The following MBP variants were observed in gnomAD, a reference collection of about 807,000 sequenced individuals.
MBP encodes the protein myelin basic protein, also known as Golli-MBP.
In MBP, 16 loss-of-function variants were observed where a neutral mutation model predicts 35.8. The ratio of observed to expected loss-of-function variants is 0.45; its 90% CI spans 0.30 to 0.68. The LOEUF is 0.68. Among genes scored for constraint, MBP ranks in the 30% least tolerant of loss-of-function variants. MBP has a pLI of 0.08. For missense variants in MBP, 380 were observed against 404.7 expected (o/e 0.94, Z 0.52); for synonymous variants, 143 against 159.6 (o/e 0.90, Z 0.78).
chr18:77,022,524 G>A lies in MBP; in HGVS notation c.140-5256C>T, dbSNP rs1236566619. 2.8e-5 allele frequency among the ~76,000 whole-genome samples: 4 copies of A among 141,104 alleles called. No homozygotes were observed. The Admixed American group carries it at 3.0e-4, about 10-fold the overall frequency. 92.6% of individuals were successfully genotyped at this position (141,104 alleles called of 152,430 possible). A position where few individuals can be genotyped will look rare whatever the true frequency, so the allele number is the denominator to read the frequency against. On this transcript the variant is annotated intron_variant, in intron 3 of 8. Transcript: ENST00000355994. ...AGCAACGTGAAGAATACTGTGGTCA[G>A]TACAAAGCTGCAGTTTTTGCAGGGT...
chr18:77,039,633 C>A (rs1030332935), intron 3 of MBP, among the ~76,000 whole-genome samples: 3 of 152,130 alleles, frequency 2.0e-5, no homozygotes, highest in African/African-American at 7.2e-5. Context: ...CCCCACATGC[C>A]AGGGGACAGA....
chr18:77,045,755 G>C (rs748446953), intron 3 of MBP, among the ~76,000 whole-genome samples: 3 of 152,264 alleles, frequency 2.0e-5, no homozygotes, highest in South Asian at 2.1e-4. Flanking sequence ...ATTTTTATTA[G>C]AAACAGCACC....
intron 2 of MBP, among the ~76,000 whole-genome samples, chr18:77,100,823 G>T (rs1306060254): frequency 6.6e-6 from 1 of 152,048 alleles, no homozygotes; most frequent in East Asian, 1.9e-4. Flanking sequence ...GCAGTGCTGG[G>T]ATTCCAGGTG....
chr18:77,094,017 C>A (rs1975652074), intron 2 of MBP, among the ~76,000 whole-genome samples: 1 of 150,860 alleles, frequency 6.6e-6, no homozygotes, highest in African/African-American at 2.4e-5. Context: ...CGCTCTGTCG[C>A]CCAGGCTGGA....
At chr18:77,086,679 A>G (rs546493726) in intron 2 of MBP, among the ~76,000 whole-genome samples, 2 of 152,220 alleles carry the variant, frequency 1.3e-5, no homozygotes, top group South Asian at 2.1e-4. Context: ...AGAAAAATCA[A>G]TCTCCTAGTC....
chr18:77,063,266 G>C (rs1433105333), intron 3 of MBP, among the ~76,000 whole-genome samples: 1 of 152,132 alleles, frequency 6.6e-6, no homozygotes, highest in African/African-American at 2.4e-5. Flanking sequence ...CCCAGGAAAG[G>C]GTCAGGCATG....
In MBP at chr18:77,016,858, C is replaced by G. The variant is rs1016910704; in HGVS notation, c.550G>C (p.Gly184Arg). 6.2e-7 allele frequency: 1 copy of G among 1,614,104 alleles called. No homozygotes were observed. Among genetic ancestry groups the G allele is most frequent in the Non-Finnish European group, 8.5e-7 (1 of 1,180,058 alleles). Residue 184 changes from glycine (G) to arginine (R), a missense_variant, in exon 4 of 9, where the codon GGT (glycine) becomes CGT (arginine). Coordinates refer to ENST00000355994, the MANE Select transcript of MBP (RefSeq NM_001025101.2). ...SIGRFFGGDR[G>R]APKRGSGKDS... Reference sequence around the variant, plus strand: ...TTGCCAGAGCCCCGCTTGGGCGCACCCCTGTCACCGCCAAAGAAGCGCCCG... The same window carrying G: ...TTGCCAGAGCCCCGCTTGGGCGCACGCCTGTCACCGCCAAAGAAGCGCCCG...
chr18:77,080,393 C>A (rs1471616458), intron 2 of MBP, among the ~76,000 whole-genome samples: 8 of 152,242 alleles, frequency 5.3e-5, no homozygotes, highest in Admixed American at 2.6e-4. Flanking sequence ...CTGGGCTCCT[C>A]ACCTGGGGCC....
At chr18:77,114,465 T>G (rs1357763758) in intron 1 of MBP, 1 of 152,364 alleles carries the variant, frequency 6.6e-6, no homozygotes, top group South Asian at 2.1e-4. Flanking sequence ...GAGTAGCTCA[T>G]CCACGTGTCA....
intron 3 of MBP, among the ~76,000 whole-genome samples, chr18:77,037,409 G>C (rs1405394899): frequency 6.6e-6 from 1 of 152,250 alleles, no homozygotes; most frequent in Non-Finnish European, 1.5e-5. Flanking sequence ...CCTCCAGTGA[G>C]GTCGGGAGTA....
intron 3 of MBP, among the ~76,000 whole-genome samples, chr18:77,021,403 C>T (rs1191989307): frequency 6.6e-6 from 1 of 152,002 alleles, no homozygotes; most frequent in African/African-American, 2.4e-5. Flanking sequence ...ATTGACTAAG[C>T]CAGATGACAG....
chr18:77,070,796 A>G (rs1974409705), intron 2 of MBP, among the ~76,000 whole-genome samples: 1 of 152,170 alleles, frequency 6.6e-6, no homozygotes, highest in Non-Finnish European at 1.5e-5. Flanking sequence ...TTTCTTCATC[A>G]GAACCGAGTG....
At chr18:77,034,186 C>T (rs1044881658) in intron 3 of MBP, among the ~76,000 whole-genome samples, 1 of 151,730 alleles carries the variant, frequency 6.6e-6, no homozygotes, top group Non-Finnish European at 1.5e-5. Context: ...ATTTGAAGCG[C>T]CAGGGATGCC....
At chr18:77,042,065 G>A (rs1973031366) in intron 3 of MBP, among the ~76,000 whole-genome samples, 1 of 152,118 alleles carries the variant, frequency 6.6e-6, no homozygotes, top group Admixed American at 6.5e-5. Flanking sequence ...AGTCCCACCT[G>A]GAGCTCTCCA....
At chr18:77,085,277 A>C (rs1160526537) in intron 2 of MBP, among the ~76,000 whole-genome samples, 1 of 152,182 alleles carries the variant, frequency 6.6e-6, no homozygotes, top group Non-Finnish European at 1.5e-5. Flanking sequence ...TGTGTCCTAT[A>C]ATGCAGATGT....
chr18:77,014,966 A>T, intron 4 of MBP: 1 of 984,784 alleles, frequency 1.0e-6, no homozygotes, highest in Non-Finnish European at 1.2e-6. Flanking sequence ...TTTGATTTTT[A>T]TGGGTCCTTG....
intron 3 of MBP, among the ~76,000 whole-genome samples, chr18:77,049,053 G>A (rs1311712789): frequency 6.6e-6 from 1 of 151,990 alleles, no homozygotes; most frequent in African/African-American, 2.4e-5. Context: ...CCGAGTAGCT[G>A]GGACTACAGG....
chr18:77,029,432 G>A (rs1225866489), intron 3 of MBP, among the ~76,000 whole-genome samples: 2 of 128,554 alleles, frequency 1.6e-5, no homozygotes, highest in African/African-American at 6.4e-5. Context: ...CGTGGGGAGA[G>A]GGAGAGGGAG....
chr18:77,011,624 C>A (rs1047845269), intron 4 of MBP, among the ~76,000 whole-genome samples: 3 of 152,186 alleles, frequency 2.0e-5, no homozygotes, highest in Admixed American at 1.3e-4. Context: ...AGAGGGAGGA[C>A]AAATGCAAGG....
Sources: gnomAD v4.1 joint callset for allele counts (sites outside exome capture counted in the v4.1 genomes callset) on GRCh38, gnomAD v4.1.1 for gene constraint, MANE v1.5 for transcripts, NCBI Gene and HGNC (gene_info 2026-07-23, HGNC 2026-07-21) for gene names.